NF1: variants seen among roughly 807,000 people sequenced by gnomAD.
NF1 encodes the protein neurofibromin.
In NF1, 122 loss-of-function variants were observed where a neutral mutation model predicts 325.7. The observed-to-expected ratio is 0.37, with a 90% CI of 0.32 to 0.44. The LOEUF is 0.44. NF1 is among the 20% of genes least tolerant of loss of function. The pLI, the probability that NF1 is intolerant of heterozygous loss-of-function variation, is 1.00. For missense variants in NF1, 2,140 were observed against 3,415.4 expected (o/e 0.63, Z 9.31); for synonymous variants, 1,091 against 1,186.0 (o/e 0.92, Z 1.65).
rs1225348649 is a variant in NF1 at position 31,227,203 on chromosome 17, G to A, written c.2252-15G>A. 6.2e-7 allele frequency: 1 copy of A among 1,613,372 alleles called. No homozygotes were observed. Among genetic ancestry groups the A allele is most frequent in the Non-Finnish European group, 8.5e-7 (1 of 1,179,408 alleles). On this transcript the variant is annotated splice_polypyrimidine_tract_variant and intron_variant, in intron 18 of 57. Coordinates refer to ENST00000358273, the MANE Select transcript of NF1 (RefSeq NM_001042492.3). Reference sequence around the variant, plus strand: ...TCTAAGTGCAGTAACTTGATTTGCTGTTGTATTTGCTTAGGAAGAGCAGCA... The same window carrying A: ...TCTAAGTGCAGTAACTTGATTTGCTATTGTATTTGCTTAGGAAGAGCAGCA...
chr17:31,334,056 G>A (rs2069574764), intron 39 of NF1, among the ~76,000 whole-genome samples: 1 of 152,158 alleles, frequency 6.6e-6, no homozygotes, highest in Non-Finnish European at 1.5e-5. Context: ...GGAGGCCGAG[G>A]CGGGCAGATC....
intron 37 of NF1, 100 bp from the exon 38 acceptor site, chr17:31,327,399 A>G (rs1378657584): frequency 3.8e-6 from 3 of 798,586 alleles, no homozygotes; most frequent in African/African-American, 1.7e-5. Context: ...CTTAAATGGC[A>G]TAGTGTTTTG....
intron 11 of NF1, among the ~76,000 whole-genome samples, chr17:31,204,559 G>T (rs548326333): frequency 3.3e-5 from 5 of 152,042 alleles, no homozygotes; most frequent in South Asian, 2.1e-4. Flanking sequence ...ATTTGAAAAT[G>T]TGTATTTTAC....
In NF1 at chr17:31,232,773, A is replaced by G. The variant is rs749448360; in HGVS notation, c.3388A>G (p.Arg1130Gly). The change falls in exon 26 of 58, where the codon AGG becomes GGG. Residue 1130 changes from arginine to glycine, a missense_variant. Around this residue, in one of 10 missense-constraint regions of NF1, gnomAD observed 380 missense variants for 639.3 expected, o/e 0.59. Transcript: ENST00000358273. Reference sequence around the variant, plus strand: ...AGATGAAAGTGCGCAAACAGGTGGCAGGAAACGTGGCATGTCTCGGAGGCT... The same window carrying G: ...AGATGAAAGTGCGCAAACAGGTGGCGGGAAACGTGGCATGTCTCGGAGGCT... ...VEDESAQTGG[R>G]KRGMSRRLAS... The G allele has an allele frequency of 1.2e-6, 2 of 1,613,982 alleles. No individual in the cohort carries two copies. Among genetic ancestry groups the G allele is most frequent in the Non-Finnish European group, 1.7e-6 (2 of 1,179,966 alleles).
intron 15 of NF1, 21 bp from the exon 16 acceptor site, chr17:31,223,423 A>G (rs777123102): frequency 7.5e-6 from 12 of 1,609,680 alleles, no homozygotes; most frequent in Admixed American, 1.7e-5. Context: ...GCTAGTAACA[A>G]TGAACTTTAT....
Position 31,235,889 on chromosome 17 carries a change from A to T in NF1, c.3871-29A>T, listed in dbSNP as rs780046310. 4.4e-6 allele frequency: 7 copies of T among 1,609,042 alleles called. No homozygotes were observed. In the South Asian group the frequency reaches 4.4e-5, roughly 10 times the overall value. ...AAGGTAAAATATATGGAGCAGGTAT[A>T]ATAAACTCCTATTCGTGCATTTCTG... On this transcript the variant is annotated intron_variant, in intron 28 of 57. Coordinates refer to ENST00000358273, the MANE Select transcript of NF1 (RefSeq NM_001042492.3).
chr17:31,206,357 A>G lies in NF1; in HGVS notation c.1378A>G (p.Ile460Val), dbSNP rs1263791591. ...GCAAGGTTGTGGAGCACACCCAGCA[A>G]TACGAATGGCACCGGTAAGATAAAT... is the stretch of plus-strand genomic sequence containing the variant. ...AVQGCGAHPA[I>V]RMAPSLTFKE... Residue 460 changes from isoleucine (I) to valine (V), a missense_variant, in exon 12 of 58, where the codon ATA becomes GTA. Around this residue, in one of 10 missense-constraint regions of NF1, gnomAD observed 179 missense variants for 381.0 expected, o/e 0.47. Transcript: ENST00000358273. 2.5e-6 allele frequency: 4 copies of G among 1,613,794 alleles called. No individual in the cohort carries two copies. Among genetic ancestry groups the G allele is most frequent in the African/African-American group, 1.3e-5 (1 of 75,026 alleles).
intron 49 of NF1, 75 bp downstream of exon 49, chr17:31,349,326 A>G (rs2070082352): frequency 6.6e-7 from 1 of 1,516,734 alleles, no homozygotes; most frequent in Non-Finnish European, 9.0e-7. Flanking sequence ...ACAAATACCT[A>G]TAGGTTTTTT....
chr17:31,272,810 C>T (rs749420135), intron 36 of NF1: 5 of 152,170 alleles, frequency 3.3e-5, no homozygotes, highest in Non-Finnish European at 7.3e-5. Flanking sequence ...ACTTGGATCA[C>T]AAATAGGCAA....
At chr17:31,184,657 AAAT>A (rs1567827959) in intron 8 of NF1, among the ~76,000 whole-genome samples, 1 of 148,228 alleles carries the variant, frequency 6.7e-6, no homozygotes. Flanking sequence ...CAAAAAAAAA[AAAT>A]AAAAAAAAAA....
chr17:31,373,825 T>A (rs2070690859), intron 57 of NF1, among the ~76,000 whole-genome samples, 188 bp from the exon 58 acceptor site: 1 of 152,254 alleles, frequency 6.6e-6, no homozygotes, highest in African/African-American at 2.4e-5. Flanking sequence ...CTATACCATA[T>A]AGCCTTGGTG....
chr17:31,210,340 A>G (rs2066706800), intron 12 of NF1, among the ~76,000 whole-genome samples: 1 of 152,124 alleles, frequency 6.6e-6, no homozygotes, highest in South Asian at 2.1e-4. Context: ...ACCAGCACTT[A>G]GGGAGGCCGG....
intron 1 of NF1, among the ~76,000 whole-genome samples, chr17:31,143,740 G>T (rs1916392579): frequency 6.6e-6 from 1 of 152,076 alleles, no homozygotes; most frequent in Non-Finnish European, 1.5e-5. Flanking sequence ...ATTTGTACTT[G>T]TACAGATTGT....
At chr17:31,271,754 A>C (rs1352893626) in intron 36 of NF1, among the ~76,000 whole-genome samples, 1 of 152,048 alleles carries the variant, frequency 6.6e-6, no homozygotes, top group Non-Finnish European at 1.5e-5. Flanking sequence ...CTGTCTCAAA[A>C]AAATAAAAAT....
intron 37 of NF1, 76 bp downstream of exon 37, chr17:31,326,328 G>A (rs550798934): frequency 2.4e-4 from 337 of 1,410,486 alleles, no homozygotes; most frequent in Non-Finnish European, 3.3e-4. Flanking sequence ...GCCTCCCTAG[G>A]TGTCCTACCC....
rs192802156 is a variant in NF1, at chr17:31,197,819, C to T, written c.889-2603C>T. On this transcript the variant is annotated intron_variant, in intron 8 of 57. Transcript: ENST00000358273. ...CTTTTTCTTGCCTACTTGCTCTGTC[C>T]GGAATTTCTAGTATTATGCCAAATA... 4.6e-5 allele frequency among the ~76,000 whole-genome samples: 7 copies of T among 152,202 alleles called. No homozygotes were observed. In the East Asian group the frequency reaches 9.6e-4, roughly 21 times the overall value.
At chr17:31,180,494 C>G (rs1209668038) in intron 5 of NF1, among the ~76,000 whole-genome samples, 3 of 152,164 alleles carry the variant, frequency 2.0e-5, no homozygotes, top group Non-Finnish European at 4.4e-5. Context: ...ATGACAAAAA[C>G]CACATGATTA....
chr17:31,342,924 A>T, intron 47 of NF1, 85 bp from the exon 48 acceptor site: 1 of 1,507,746 alleles, frequency 6.6e-7, no homozygotes, highest in Non-Finnish European at 9.2e-7. Context: ...TTATCTTGTC[A>T]TACTATTGAA....
At chr17:31,344,871 A>G (rs549652510) in intron 48 of NF1, among the ~76,000 whole-genome samples, 67 of 152,318 alleles carry the variant, frequency 4.4e-4, no homozygotes, top group African/African-American at 1.5e-3. Flanking sequence ...CCAAGAGTTC[A>G]AGACCAGCCT....
Sources: allele counts gnomAD v4.1 joint callset (sites outside exome capture counted in the v4.1 genomes callset), GRCh38; gene constraint gnomAD v4.1.1; regional missense constraint gnomAD v4.1.1; transcripts MANE v1.5; gene names NCBI Gene and HGNC (gene_info 2026-07-23, HGNC 2026-07-21).